Variants in RIMBP2 observed in about 807,000 individuals in gnomAD.
The protein encoded by RIMBP2 is RIMS-binding protein 2.
A neutral mutation model predicts 118.6 loss-of-function variants in RIMBP2; 48 were observed. The observed-to-expected ratio is 0.40, with a 90% CI of 0.32 to 0.51. The LOEUF (loss-of-function observed/expected upper bound fraction) is 0.51. RIMBP2 is among the 20% of genes least tolerant of loss of function. RIMBP2 has a pLI of 0.41. For synonymous variants in RIMBP2, 762 were observed against 742.9 expected (o/e 1.03, Z -0.42); for missense variants, 1,551 against 1,768.3 (o/e 0.88, Z 2.20).
chr12:130,523,249 A>G lies in RIMBP2; in HGVS notation c.-216-5332T>C, dbSNP rs144358501. ...CATCTCTCTCTGTCCCCTACCCACTACCTGGCCGTGTGAGGACACAGTGAG... is the reference window on the plus strand; with the variant it reads ...CATCTCTCTCTGTCCCCTACCCACTGCCTGGCCGTGTGAGGACACAGTGAG... On this transcript the variant is annotated intron_variant, in intron 2 of 22. Coordinates refer to ENST00000690449, the MANE Select transcript of RIMBP2 (RefSeq NM_001393629.1). This position sits in a 1 kb window ranked among gnomAD's most constrained non-coding sequence, Gnocchi z 4.4. 1.5e-4 allele frequency among the ~76,000 whole-genome samples: 23 copies of G among 152,044 alleles called. 1 individual carries two copies. Among genetic ancestry groups the G allele is most frequent in the African/African-American group, 5.5e-4 (23 of 41,450 alleles).
At chr12:130,507,540 A>G (rs1386607712) in intron 3 of RIMBP2, among the ~76,000 whole-genome samples, 1 of 152,224 alleles carries the variant, frequency 6.6e-6, no homozygotes, top group Non-Finnish European at 1.5e-5. Context: ...ATTCCACATG[A>G]ACTAGAATGC....
In RIMBP2 at chr12:130,556,895, G is replaced by A. The variant is rs188557302; in HGVS notation, c.-216-38978C>T. ...AGCCAGCACTGTGCACCCTTAGGGC[G>A]TAGGTGCAGAGACGTCTTGCATCTC... On this transcript the variant is annotated intron_variant, in intron 2 of 22. Coordinates refer to ENST00000690449, the MANE Select transcript of RIMBP2 (RefSeq NM_001393629.1). 3.1e-4 allele frequency among the ~76,000 whole-genome samples: 47 copies of A among 152,296 alleles called. 1 individual carries two copies. Among genetic ancestry groups the A allele is most frequent in the Admixed American group, 2.4e-3 (36 of 15,298 alleles).
chr12:130,680,561 C>A, intron 1 of RIMBP2, among the ~76,000 whole-genome samples: 1 of 152,148 alleles, frequency 6.6e-6, no homozygotes, highest in East Asian at 1.9e-4. Flanking sequence ...CACAAGACAC[C>A]GACATCACTG....
intron 3 of RIMBP2, 26 bp from the exon 4 acceptor site, chr12:130,506,796 G>A (rs529097420): frequency 1.2e-3 from 1,159 of 985,652 alleles, no homozygotes; most frequent in Non-Finnish European, 1.3e-3. Flanking sequence ...ATGGAGACAA[G>A]GAGGTTATCA....
chr12:130,500,435 G>A (rs2049635441), intron 4 of RIMBP2, among the ~76,000 whole-genome samples: 9 of 152,188 alleles, frequency 5.9e-5, no homozygotes, highest in Admixed American at 5.9e-4. Flanking sequence ...TCCAGCCTGG[G>A]TGACTGAGCG....
intron 2 of RIMBP2, among the ~76,000 whole-genome samples, chr12:130,594,146 C>G (rs2059427626): frequency 6.6e-6 from 1 of 152,252 alleles, no homozygotes; most frequent in Non-Finnish European, 1.5e-5. Context: ...CCTCACTTCA[C>G]CAAGTGAAGA....
At chr12:130,490,017 G>A (rs141791230) in intron 4 of RIMBP2, among the ~76,000 whole-genome samples, 399 of 151,744 alleles carry the variant, frequency 2.6e-3, no homozygotes, top group African/African-American at 9.0e-3. Context: ...CCAGCTATTC[G>A]GGAGGCTGAG....
chr12:130,481,959 C>T (rs1469734298), intron 4 of RIMBP2, among the ~76,000 whole-genome samples: 1 of 152,154 alleles, frequency 6.6e-6, no homozygotes, highest in African/African-American at 2.4e-5. Context: ...ACCCACCGCC[C>T]ACCACCAGTT....
intron 1 of RIMBP2, among the ~76,000 whole-genome samples, chr12:130,642,031 T>C (rs551658752): frequency 1.3e-5 from 2 of 152,214 alleles, no homozygotes; most frequent in African/African-American, 4.8e-5. Flanking sequence ...AGTTTGTAAA[T>C]AGCAGAGCCC....
chr12:130,470,364 G>A (rs946942790), intron 6 of RIMBP2: 7 of 272,106 alleles, frequency 2.6e-5, no homozygotes, highest in Non-Finnish European at 4.8e-5. Context: ...GCAAGCGAGT[G>A]AGCCACGCCC....
At chr12:130,573,010 C>T (rs2057803139) in intron 2 of RIMBP2, among the ~76,000 whole-genome samples, 2 of 152,160 alleles carry the variant, frequency 1.3e-5, no homozygotes, top group African/African-American at 4.8e-5. Context: ...CTTCTTCCCA[C>T]AGCCACTGCT....
chr12:130,597,520 C>T (rs575845744), intron 2 of RIMBP2, among the ~76,000 whole-genome samples: 6 of 152,298 alleles, frequency 3.9e-5, no homozygotes, highest in Admixed American at 1.3e-4. Context: ...GGATTACAGG[C>T]GTGAGCCACC....
chr12:130,651,285 G>A (rs919444894), intron 1 of RIMBP2: 2 of 152,170 alleles, frequency 1.3e-5, no homozygotes, highest in Non-Finnish European at 2.9e-5. Context: ...AGACCTCAGG[G>A]GGCTCTGAAA....
At chr12:130,575,536 TATA>T (rs1247175368) in intron 2 of RIMBP2, among the ~76,000 whole-genome samples, 1 of 152,184 alleles carries the variant, frequency 6.6e-6, no homozygotes, top group South Asian at 2.1e-4. Flanking sequence ...TGCATTCACC[TATA>T]ATAACTACGT....
chr12:130,639,487 CAAAAAAAAAAA>C (rs138670754), intron 1 of RIMBP2, among the ~76,000 whole-genome samples: 1 of 88,086 alleles, frequency 1.1e-5, no homozygotes, highest in African/African-American at 4.9e-5. Flanking sequence ...GATCCTGCCT[CAAAAAAAAAAA>C]AAAAAAAAAA....
intron 3 of RIMBP2, among the ~76,000 whole-genome samples, chr12:130,510,082 G>T (rs11612387): frequency 0.039 from 5,980 of 152,278 alleles, 168 homozygotes; most frequent in South Asian, 0.16. Flanking sequence ...CAGTGCTTTG[G>T]TCAAGAACAG....
Position 130,507,545 on chromosome 12 carries a change from G to C in RIMBP2, c.-126-775C>G, listed in dbSNP as rs188173947. ...TGCCAATGAAATTCCACATGAACTAGAATGCATTCCCCCAATAAACCCAAA... is the reference window on the plus strand; with the variant it reads ...TGCCAATGAAATTCCACATGAACTACAATGCATTCCCCCAATAAACCCAAA... On this transcript the variant is annotated intron_variant, in intron 3 of 22. Coordinates refer to ENST00000690449, the MANE Select transcript of RIMBP2 (RefSeq NM_001393629.1). Among the ~76,000 whole-genome samples the C allele has an allele frequency of 2.6e-5, 4 of 152,260 alleles. No homozygotes were observed. The East Asian group carries it at 7.7e-4, about 29-fold the overall frequency.
intron 6 of RIMBP2, among the ~76,000 whole-genome samples, chr12:130,458,686 T>A (rs1025107100): frequency 2.6e-5 from 4 of 152,260 alleles, no homozygotes; most frequent in African/African-American, 4.8e-5. Flanking sequence ...GCATTCATTC[T>A]AACATGTGAC....
intron 17 of RIMBP2, among the ~76,000 whole-genome samples, chr12:130,415,036 C>T (rs1445870021): frequency 1.3e-5 from 2 of 152,250 alleles, no homozygotes; most frequent in Middle Eastern, 3.4e-3. Flanking sequence ...GAAAGGACTC[C>T]ACCCTAACTC....
Sources: gnomAD v4.1 joint callset for allele counts (sites outside exome capture counted in the v4.1 genomes callset) on GRCh38, gnomAD v4.1.1 for gene constraint, Gnocchi (gnomAD v3.1) non-coding constraint, MANE v1.5 for transcripts, NCBI Gene and HGNC (gene_info 2026-07-23, HGNC 2026-07-21) for gene names.